Variants in ACSM2A observed in about 807,000 individuals in gnomAD.
ACSM2A encodes acyl-coenzyme A synthetase ACSM2A, mitochondrial.
A neutral mutation model predicts 76.6 loss-of-function variants in ACSM2A; 72 were observed. The ratio of observed to expected loss-of-function variants is 0.94; its 90% CI spans 0.78 to 1.14. ACSM2A has a LOEUF of 1.14. Among genes scored for constraint, ACSM2A ranks in the 50% most tolerant of loss-of-function variants. The pLI, the probability that ACSM2A is intolerant of heterozygous loss-of-function variation, is 0.00. For missense variants in ACSM2A, 684 were observed against 708.5 expected (o/e 0.97, Z 0.39); for synonymous variants, 249 against 255.9 (o/e 0.97, Z 0.26).
Position 20,475,719 on chromosome 16 carries a change from C to T in ACSM2A, c.1044C>T (p.Asn348=). The T allele has an allele frequency of 1.2e-6, 2 of 1,614,088 alleles. No homozygotes were observed. The highest frequency in any genetic ancestry group is 1.7e-6 in the Non-Finnish European group (2 of 1,179,938). ...GESLLPETLE[N]WRAQTGLDIR... ...CCCTTCTTCCAGAAACTCTGGAGAA[C>T]TGGAGGGCCCAGACAGGACTGGACA... The change falls in exon 8 of 14, where the codon AAC becomes AAT. Residue 348 remains asparagine (N), a synonymous_variant. Coordinates refer to ENST00000573854, the MANE Select transcript of ACSM2A (RefSeq NM_001308172.2).
At chr16:20,458,904 G>GCA (rs2012397205) in intron 1 of ACSM2A, among the ~76,000 whole-genome samples, 1 of 27,392 alleles carries the variant, frequency 3.7e-5, no homozygotes, top group South Asian at 1.9e-3. Context: ...ATATATATAT[G>GCA]CATATATATA....
Position 20,479,355 on chromosome 16 carries a change from C to G in ACSM2A, c.1281+678C>G, listed in dbSNP as rs555402249. Among the ~76,000 whole-genome samples the G allele has an allele frequency of 1.0e-3, 155 of 152,252 alleles. 1 individual carries two copies. Among genetic ancestry groups the G allele is most frequent in the African/African-American group, 3.3e-3 (138 of 41,546 alleles). ...TGCATATCATGAGGCAAGCATTGTCCTATAAACACATTTAATCTTTAAACT... is the reference window on the plus strand; with the variant it reads ...TGCATATCATGAGGCAAGCATTGTCGTATAAACACATTTAATCTTTAAACT... On this transcript the variant is annotated intron_variant, in intron 10 of 13. Coordinates refer to ENST00000573854, the MANE Select transcript of ACSM2A (RefSeq NM_001308172.2).
chr16:20,459,161 G>C (rs1358688076), intron 1 of ACSM2A, among the ~76,000 whole-genome samples: 2 of 151,886 alleles, frequency 1.3e-5, no homozygotes, highest in African/African-American at 4.8e-5. Flanking sequence ...TGATGGGAAG[G>C]AGGTGAGGAA....
In ACSM2A at chr16:20,463,181, T is replaced by C. The variant is rs148733039; in HGVS notation, c.178-2336T>C. ...CACCAACATGGCACATGTATACATA[T>C]GTGACAAACGTGCACGTTGTGCACA... On this transcript the variant is annotated intron_variant, in intron 2 of 13. Coordinates refer to ENST00000573854, the MANE Select transcript of ACSM2A (RefSeq NM_001308172.2). Among the ~76,000 whole-genome samples, 14 of 151,866 alleles carry C rather than the reference T, an allele frequency of 9.2e-5. No individual in the cohort carries two copies. The East Asian group carries it at 2.5e-3, about 27-fold the overall frequency.
chr16:20,468,093 A>G (rs2141716038), intron 3 of ACSM2A, among the ~76,000 whole-genome samples: 1 of 152,252 alleles, frequency 6.6e-6, no homozygotes, highest in African/African-American at 2.4e-5. Flanking sequence ...GCCTGTGGAA[A>G]GAGAGAACAA....
intron 13 of ACSM2A, 85 bp downstream of exon 13, chr16:20,483,262 G>C (rs1396401643): frequency 1.9e-6 from 3 of 1,561,940 alleles, no homozygotes; most frequent in Non-Finnish European, 2.6e-6. Flanking sequence ...GAGGAGGACA[G>C]TCCTCTAATT....
intron 2 of ACSM2A, among the ~76,000 whole-genome samples, chr16:20,461,287 G>C (rs1224872948): frequency 2.0e-5 from 3 of 149,862 alleles, no homozygotes; most frequent in Admixed American, 6.6e-5. Flanking sequence ...CCCTAGGTGT[G>C]GGTACTCTTA....
intron 2 of ACSM2A, among the ~76,000 whole-genome samples, chr16:20,462,591 G>C (rs2012691194): frequency 6.6e-6 from 1 of 152,066 alleles, no homozygotes; most frequent in Admixed American, 6.6e-5. Context: ...GACATGTTTT[G>C]TTTTTGATTT....
intron 13 of ACSM2A, among the ~76,000 whole-genome samples, chr16:20,486,250 C>T (rs544068753): frequency 6.6e-6 from 1 of 152,342 alleles, no homozygotes; most frequent in South Asian, 2.1e-4. Flanking sequence ...AAGGACCTGG[C>T]TAAAGCCAGA....
In ACSM2A at chr16:20,486,634, C is replaced by A. The variant is rs143956389; in HGVS notation, c.1690C>A (p.Arg564=). 3 of 1,614,162 alleles carry A rather than the reference C, an allele frequency of 1.9e-6. No homozygotes were observed. The highest frequency in any genetic ancestry group is 2.5e-6 in the Non-Finnish European group (3 of 1,180,020). ...AGGGAAAATTCAACGAGCCAAGCTT[C>A]GAGACAAGGAGTGGAAGATGTCCGG... ...VTGKIQRAKL[R]DKEWKMSGKA... is the part of the protein sequence containing the mutation. Residue 564 remains arginine (R), a synonymous_variant, in exon 14 of 14, where the codon CGA becomes AGA. Coordinates refer to ENST00000573854, the MANE Select transcript of ACSM2A (RefSeq NM_001308172.2).
intron 4 of ACSM2A, 151 bp downstream of exon 4, chr16:20,469,870 G>GTTTTGTT (rs1567365569): frequency 1.7e-6 from 1 of 589,460 alleles, no homozygotes; most frequent in African/African-American, 2.2e-5. Flanking sequence ...TAACACAAGG[G>GTTTTGTT]TATTTTTTTT....
In ACSM2A at chr16:20,477,321, C is replaced by T. The variant is rs774936105; in HGVS notation, c.1099-48C>T. ...CAGAAATTTTTTCTTTTTCTGTGAC[C>T]TTGTACCTCCTCCTGAGGTTTGCTG... On this transcript the variant is annotated intron_variant, in intron 8 of 13. Coordinates refer to ENST00000573854, the MANE Select transcript of ACSM2A (RefSeq NM_001308172.2). 24 of 1,579,096 alleles carry T rather than the reference C, an allele frequency of 1.5e-5. No homozygotes were observed. In the Admixed American group the frequency reaches 1.8e-4, roughly 12 times the overall value.
intron 2 of ACSM2A, among the ~76,000 whole-genome samples, chr16:20,460,621 G>A (rs563760065): frequency 6.6e-6 from 1 of 150,738 alleles, no homozygotes; most frequent in Admixed American, 6.6e-5. Flanking sequence ...AGAAGAGGCG[G>A]GTTTGAATCT....
At position 20,475,776 on chromosome 16, in the gene ACSM2A, A is replaced by T; in HGVS notation, c.1098+3A>T. On this transcript the variant is annotated splice_donor_region_variant and intron_variant, in intron 8 of 13. Transcript: ENST00000573854. Reference sequence around the variant, plus strand: ...AATCCTATGGCCAGACAGAAACGGTACCTGTTCCCAGGGGAACCATGGGCT... The same window carrying T: ...AATCCTATGGCCAGACAGAAACGGTTCCTGTTCCCAGGGGAACCATGGGCT... The T allele has an allele frequency of 6.2e-7, 1 of 1,613,776 alleles. No individual in the cohort carries two copies. The highest frequency in any genetic ancestry group is 8.5e-7 in the Non-Finnish European group (1 of 1,179,796).
intron 13 of ACSM2A, among the ~76,000 whole-genome samples, chr16:20,485,216 A>T (rs2141771078): frequency 6.6e-6 from 1 of 152,342 alleles, no homozygotes; most frequent in African/African-American, 2.4e-5. Flanking sequence ...CGAATGTTTA[A>T]GTATAACTGA....
Position 20,462,156 on chromosome 16 carries a change from G to A in ACSM2A, c.177+1865G>A, listed in dbSNP as rs12924927. ...TTTACAATAGTGATGTTAACTACAG[G>A]AGCAACTGGTGAAGTTACAAAGTGT... On this transcript the variant is annotated intron_variant, in intron 2 of 13. Transcript: ENST00000573854. 5.6e-3 allele frequency among the ~76,000 whole-genome samples: 855 copies of A among 152,254 alleles called. 6 individuals carry two copies. The highest frequency in any genetic ancestry group is 0.018 in the African/African-American group (733 of 41,534).
chr16:20,474,430 C>A (rs925432376), intron 6 of ACSM2A, among the ~76,000 whole-genome samples: 1 of 152,082 alleles, frequency 6.6e-6, no homozygotes, highest in Non-Finnish European at 1.5e-5. Context: ...TGTGATGCCC[C>A]GACCCTCCTT....
intron 1 of ACSM2A, among the ~76,000 whole-genome samples, chr16:20,457,246 A>G (rs2141683467): frequency 6.6e-6 from 1 of 152,134 alleles, no homozygotes; most frequent in South Asian, 2.1e-4. Flanking sequence ...CATTCAAAGA[A>G]GAATTGGTAC....
chr16:20,483,604 T>TAAAAAAAA (rs2014232620), intron 13 of ACSM2A, among the ~76,000 whole-genome samples: 5 of 32,930 alleles, frequency 1.5e-4, no homozygotes, highest in Non-Finnish European at 3.5e-4. Flanking sequence ...AAAAAAAAAG[T>TAAAAAAAA]CTTTCTATGA....
Sources: gnomAD v4.1 joint callset for allele counts (sites outside exome capture counted in the v4.1 genomes callset) on GRCh38, gnomAD v4.1.1 for gene constraint, MANE v1.5 for transcripts, NCBI Gene and HGNC (gene_info 2026-07-23, HGNC 2026-07-21) for gene names.